Variants in COP1 observed in about 807,000 individuals in gnomAD.
The protein encoded by COP1 is E3 ubiquitin-protein ligase COP1.
Under a neutral mutation model 101.3 loss-of-function variants are expected in COP1, and 24 were observed. The ratio of observed to expected loss-of-function variants is 0.24; its 90% CI spans 0.17 to 0.33. The LOEUF (loss-of-function observed/expected upper bound fraction) is 0.33. Among genes scored for constraint, COP1 ranks in the 10% least tolerant of loss-of-function variants. COP1 has a pLI of 1.00. For synonymous variants in COP1, 347 were observed against 341.9 expected (o/e 1.01, Z -0.17); for missense variants, 663 against 906.2 (o/e 0.73, Z 3.45).
At chr1:175,989,799 A>C (rs867373553) in intron 15 of COP1, among the ~76,000 whole-genome samples, 1 of 152,188 alleles carries the variant, frequency 6.6e-6, no homozygotes, top group South Asian at 2.1e-4. Context: ...TGTTTTAAAA[A>C]ACCATTATTT....
At chr1:175,981,068 T>A (rs556610820) in intron 18 of COP1, among the ~76,000 whole-genome samples, 25 of 152,150 alleles carry the variant, frequency 1.6e-4, no homozygotes, top group Non-Finnish European at 3.5e-4. Context: ...AACTCCAGTC[T>A]CTAGATAAAT....
chr1:176,036,744 T>C (rs1192828440), intron 14 of COP1, among the ~76,000 whole-genome samples: 1 of 152,190 alleles, frequency 6.6e-6, no homozygotes, highest in Non-Finnish European at 1.5e-5. Flanking sequence ...ATTGTAAAAG[T>C]CTTTGTGTTA....
At chr1:175,955,183 AGTGAGCT>A (rs1650465353) in intron 18 of COP1, among the ~76,000 whole-genome samples, 1 of 152,122 alleles carries the variant, frequency 6.6e-6, no homozygotes, top group Non-Finnish European at 1.5e-5. Flanking sequence ...GGAAGGCTGT[AGTGAGCT>A]GTGATTGTGT....
chr1:176,038,551 GGCTCATGC>G (rs970058658), intron 14 of COP1, among the ~76,000 whole-genome samples: 2 of 152,184 alleles, frequency 1.3e-5, no homozygotes, highest in African/African-American at 4.8e-5. Context: ...TGGGCATGGT[GGCTCATGC>G]CTGTAATCCC....
At chr1:176,013,367 G>A (rs1006975673) in intron 15 of COP1, among the ~76,000 whole-genome samples, 10 of 152,196 alleles carry the variant, frequency 6.6e-5, no homozygotes, top group Middle Eastern at 3.4e-3. Flanking sequence ...TAAAATAAGA[G>A]ATAACTGGAA....
At chr1:176,053,848 T>C (rs780794990) in intron 11 of COP1, among the ~76,000 whole-genome samples, 1 of 152,302 alleles carries the variant, frequency 6.6e-6, no homozygotes, top group Non-Finnish European at 1.5e-5. Flanking sequence ...TTGCACTCTG[T>C]TACCATTTTC....
chr1:176,097,971 G>C (rs1682728053), intron 9 of COP1, among the ~76,000 whole-genome samples: 2 of 151,466 alleles, frequency 1.3e-5, no homozygotes, highest in Admixed American at 1.3e-4. Context: ...GTGCCTTTCA[G>C]TTCACGTGAC....
intron 9 of COP1, among the ~76,000 whole-genome samples, chr1:176,093,146 T>A (rs916488534): frequency 2.6e-5 from 4 of 152,188 alleles, no homozygotes; most frequent in African/African-American, 7.2e-5. Context: ...AAAACTTTTT[T>A]AAAAGTCAAC....
chr1:176,073,824 C>T (rs1677451028), intron 11 of COP1, among the ~76,000 whole-genome samples: 1 of 152,242 alleles, frequency 6.6e-6, no homozygotes. Flanking sequence ...CAGATTATCA[C>T]TGCAGTAAGT....
In COP1 at chr1:175,948,744, T is replaced by C. The variant is rs139025867; in HGVS notation, c.2134-1505A>G. Among the ~76,000 whole-genome samples the C allele has an allele frequency of 2.6e-3, 400 of 152,330 alleles. 3 individuals are homozygous for C. Among genetic ancestry groups the C allele is most frequent in the African/African-American group, 9.2e-3 (382 of 41,580 alleles). Reference sequence around the variant, plus strand: ...AATTTTTAATGGAATCAGAATACTCTTTGGAATTAGTCAGCAGCATCAAAG... The same window carrying C: ...AATTTTTAATGGAATCAGAATACTCCTTGGAATTAGTCAGCAGCATCAAAG... On this transcript the variant is annotated intron_variant, in intron 18 of 19. Coordinates refer to ENST00000367669, the MANE Select transcript of COP1 (RefSeq NM_022457.7).
chr1:176,145,203 A>G (rs1486384125), intron 6 of COP1, among the ~76,000 whole-genome samples: 6 of 152,114 alleles, frequency 3.9e-5, no homozygotes, highest in African/African-American at 1.2e-4. Flanking sequence ...ATTACTTCAC[A>G]CACAAACATA....
chr1:175,986,552 TCTCC>T (rs141197532), intron 18 of COP1, among the ~76,000 whole-genome samples: 42,508 of 151,864 alleles, frequency 0.28, 6,714 homozygotes, highest in East Asian at 0.49. Context: ...CAATTCTTTT[TCTCC>T]CTCCCTATTA....
intron 15 of COP1, among the ~76,000 whole-genome samples, chr1:175,997,780 A>G (rs1389078780): frequency 1.3e-5 from 2 of 152,158 alleles, no homozygotes; most frequent in African/African-American, 4.8e-5. Flanking sequence ...GAGAAATAGG[A>G]ACACTTTTAC....
intron 9 of COP1, among the ~76,000 whole-genome samples, chr1:176,092,856 T>A (rs915937904): frequency 6.6e-6 from 1 of 152,132 alleles, no homozygotes; most frequent in Non-Finnish European, 1.5e-5. Context: ...TAGGTACATA[T>A]CTAGGGAAAC....
rs1394002709 is a variant in COP1 at position 176,005,255 on chromosome 1, T to A, written c.1730-15776A>T. Among the ~76,000 whole-genome samples the A allele has an allele frequency of 4.6e-5, 7 of 152,202 alleles. No homozygotes were observed. In the East Asian group the frequency reaches 1.3e-3, roughly 29 times the overall value. On this transcript the variant is annotated intron_variant, in intron 15 of 19. Coordinates refer to ENST00000367669, the MANE Select transcript of COP1 (RefSeq NM_022457.7). ...GATTCTTCTCTCTTTTCTTCTTTATTAGTCTTGCTAGTGGTCTATCAATTT... is the reference window on the plus strand; with the variant it reads ...GATTCTTCTCTCTTTTCTTCTTTATAAGTCTTGCTAGTGGTCTATCAATTT...
intron 6 of COP1, among the ~76,000 whole-genome samples, chr1:176,145,222 C>T (rs768071950): frequency 8.6e-5 from 13 of 151,858 alleles, no homozygotes; most frequent in Non-Finnish European, 1.5e-4. Context: ...TAAAAAAACC[C>T]AAATGGCCAA....
intron 9 of COP1, among the ~76,000 whole-genome samples, chr1:176,101,224 G>A (rs766413412): frequency 3.3e-5 from 5 of 149,480 alleles, no homozygotes; most frequent in East Asian, 3.9e-4. Flanking sequence ...GGTGGGACTC[G>A]GGATCCAAGG....
At chr1:176,154,184 T>C (rs896588159) in intron 5 of COP1, among the ~76,000 whole-genome samples, 1 of 152,184 alleles carries the variant, frequency 6.6e-6, no homozygotes, top group Non-Finnish European at 1.5e-5. Flanking sequence ...TTTCTTTGTA[T>C]ATCTGGCAGG....
At chr1:175,997,981 CAA>C (rs1182082972) in intron 15 of COP1, among the ~76,000 whole-genome samples, 1 of 143,808 alleles carries the variant, frequency 7.0e-6, no homozygotes, top group African/African-American at 2.6e-5. Context: ...CTTACAATAG[CAA>C]AGACTTGGAG....
Sources: allele counts gnomAD v4.1 joint callset (sites outside exome capture counted in the v4.1 genomes callset), GRCh38; gene constraint gnomAD v4.1.1; transcripts MANE v1.5; gene names NCBI Gene and HGNC (gene_info 2026-07-23, HGNC 2026-07-21).